LRMDA: variants seen among roughly 807,000 people sequenced by gnomAD.
LRMDA encodes the protein leucine rich melanocyte differentiation associated, also known as leucine-rich melanocyte differentiation-associated protein.
In LRMDA, 18 loss-of-function variants were observed where a neutral mutation model predicts 29.8. That is an observed-to-expected ratio of 0.60 (90% CI 0.42 to 0.90). The LOEUF is 0.90. LRMDA is among the 40% of genes least tolerant of loss of function. The pLI is 0.00. For missense variants in LRMDA, 273 were observed against 273.9 expected (o/e 1.00, Z 0.02); for synonymous variants, 125 against 109.4 (o/e 1.14, Z -0.89).
At chr10:76,113,973 A>C (rs1849622840) in intron 5 of LRMDA, among the ~76,000 whole-genome samples, 1 of 152,160 alleles carries the variant, frequency 6.6e-6, no homozygotes, top group Admixed American at 6.5e-5. Context: ...TCCTCGTTTT[A>C]AGTTGGTGCT....
At chr10:76,076,115 G>A (rs2132074207) in intron 5 of LRMDA, among the ~76,000 whole-genome samples, 1 of 152,154 alleles carries the variant, frequency 6.6e-6, no homozygotes, top group African/African-American at 2.4e-5. Context: ...AGGCCGAGGT[G>A]GGTGGGTCAC....
At chr10:76,009,988 T>G (rs929203411) in intron 2 of LRMDA, among the ~76,000 whole-genome samples, 2 of 151,998 alleles carry the variant, frequency 1.3e-5, no homozygotes, top group Admixed American at 1.3e-4. Context: ...TCCTTCCCTC[T>G]CCCCCACCCG....
intron 4 of LRMDA, 68 bp downstream of exon 4, chr10:76,047,371 A>T: frequency 6.9e-7 from 1 of 1,443,096 alleles, no homozygotes; most frequent in Non-Finnish European, 9.3e-7. Context: ...ATGATATTAT[A>T]CTCTGGGGTG....
chr10:75,874,166 T>C (rs969272199), intron 2 of LRMDA, among the ~76,000 whole-genome samples: 13 of 152,186 alleles, frequency 8.5e-5, no homozygotes, highest in African/African-American at 3.1e-4. Context: ...TTAATTCTGA[T>C]CAATAAATGT....
chr10:75,860,153 T>C (rs1844898285), intron 2 of LRMDA, among the ~76,000 whole-genome samples: 2 of 152,112 alleles, frequency 1.3e-5, no homozygotes, highest in African/African-American at 2.4e-5. Flanking sequence ...TAAGAGTATT[T>C]CACAAAATTT....
At chr10:75,721,881 A>G (rs1161809825) in intron 2 of LRMDA, among the ~76,000 whole-genome samples, 2 of 152,240 alleles carry the variant, frequency 1.3e-5, no homozygotes, top group Non-Finnish European at 2.9e-5. Context: ...TCTTCGTAGC[A>G]ACAACCAGTG....
chr10:75,556,847 G>T (rs760965823), intron 2 of LRMDA, among the ~76,000 whole-genome samples: 32 of 150,554 alleles, frequency 2.1e-4, no homozygotes, highest in Non-Finnish European at 4.0e-4. Flanking sequence ...TACTAGAATA[G>T]TTCCTAGAAG....
intron 2 of LRMDA, among the ~76,000 whole-genome samples, chr10:75,767,899 C>G (rs1047835991): frequency 1.3e-5 from 2 of 152,076 alleles, no homozygotes; most frequent in South Asian, 4.2e-4. Context: ...GAAATTTGAC[C>G]GAGACATGGC....
intron 2 of LRMDA, among the ~76,000 whole-genome samples, chr10:75,684,766 G>T (rs1842063339): frequency 2.0e-5 from 3 of 152,196 alleles, no homozygotes; most frequent in Admixed American, 1.3e-4. Flanking sequence ...AAGAGAAATT[G>T]TTTGGGGCTT....
At chr10:75,974,233 G>A (rs1406458864) in intron 2 of LRMDA, among the ~76,000 whole-genome samples, 1 of 152,160 alleles carries the variant, frequency 6.6e-6, no homozygotes, top group Non-Finnish European at 1.5e-5. Flanking sequence ...TGGAGGGGAG[G>A]CAAACACACC....
intron 2 of LRMDA, among the ~76,000 whole-genome samples, chr10:75,790,128 G>A (rs1213151715): frequency 1.3e-5 from 2 of 152,052 alleles, no homozygotes; most frequent in African/African-American, 4.8e-5. Context: ...CTTAATCTTG[G>A]CCCTATTGAC....
At chr10:75,689,241 A>C (rs1214817277) in intron 2 of LRMDA, among the ~76,000 whole-genome samples, 1 of 152,236 alleles carries the variant, frequency 6.6e-6, no homozygotes, top group Non-Finnish European at 1.5e-5. Flanking sequence ...TTCCAACGGC[A>C]CATCGGATCC....
chr10:75,508,989 A>G (rs1845197538), intron 2 of LRMDA, among the ~76,000 whole-genome samples: 2 of 152,240 alleles, frequency 1.3e-5, no homozygotes, highest in Non-Finnish European at 2.9e-5. Flanking sequence ...CATTACAGAT[A>G]ACAAAGTGCA....
At chr10:75,735,463 C>T (rs12049771) in intron 2 of LRMDA, among the ~76,000 whole-genome samples, 7,949 of 152,196 alleles carry the variant, frequency 0.052, 559 homozygotes, top group East Asian at 0.35. Context: ...AACAAACTAA[C>T]TAACAATCAG....
chr10:75,452,546 G>A (rs1038567361), intron 2 of LRMDA, among the ~76,000 whole-genome samples: 1 of 142,458 alleles, frequency 7.0e-6, no homozygotes, highest in African/African-American at 2.6e-5. Flanking sequence ...TCTTACCCAA[G>A]GTTAAAACTC....
intron 5 of LRMDA, among the ~76,000 whole-genome samples, chr10:76,305,264 CCTTTCTTGGGCCCTTT>C (rs1840539440): frequency 1.9e-5 from 1 of 51,340 alleles, no homozygotes; most frequent in Non-Finnish European, 7.4e-5. Context: ...ATGTGTGGGC[CCTTTCTTGGGCCCTTT>C]CTATCTTATA....
At chr10:76,299,037 A>C (rs923062355) in intron 5 of LRMDA, among the ~76,000 whole-genome samples, 1 of 152,190 alleles carries the variant, frequency 6.6e-6, no homozygotes, top group Non-Finnish European at 1.5e-5. Flanking sequence ...TTAGAAAATA[A>C]GAAATTATTA....
chr10:76,040,951 C>A (rs995775397), intron 3 of LRMDA, among the ~76,000 whole-genome samples: 5 of 152,166 alleles, frequency 3.3e-5, no homozygotes, highest in African/African-American at 4.8e-5. Flanking sequence ...ACCACTCCAG[C>A]GAGTCAGAGG....
intron 2 of LRMDA, among the ~76,000 whole-genome samples, chr10:75,678,480 T>G (rs1841987313): frequency 6.6e-6 from 1 of 152,202 alleles, no homozygotes; most frequent in African/African-American, 2.4e-5. Flanking sequence ...GATGCTCTCA[T>G]TTATAGTACT....
Sources: gnomAD v4.1 joint callset for allele counts (sites outside exome capture counted in the v4.1 genomes callset) on GRCh38, gnomAD v4.1.1 for gene constraint, MANE v1.5 for transcripts, NCBI Gene and HGNC (gene_info 2026-07-23, HGNC 2026-07-21) for gene names.